The following HPGD variants were observed in gnomAD, a reference collection of about 807,000 sequenced individuals.
The protein encoded by HPGD is 15-hydroxyprostaglandin dehydrogenase.
A neutral mutation model predicts 30.0 loss-of-function variants in HPGD; 29 were observed. The ratio of observed to expected loss-of-function variants is 0.97; its 90% CI spans 0.72 to 1.32. The LOEUF (loss-of-function observed/expected upper bound fraction) is 1.32. Among genes scored for constraint, HPGD ranks in the 40% most tolerant of loss-of-function variants. HPGD has a pLI of 0.00. For missense variants in HPGD, 340 were observed against 322.1 expected (o/e 1.06, Z -0.43); for synonymous variants, 99 against 112.4 (o/e 0.88, Z 0.75).
chr4:174,508,713 T>C lies in HPGD; in HGVS notation c.404A>G (p.Asn135Ser). ...QNGGEGGIII[N>S]MSSLAGLMPV... ...GCCCTTACCTGCTAAAGATGACATA[T>C]TGATAATGATGCCGCCTTCACCTCC... The change falls in exon 4 of 7, where the codon AAT becomes AGT. Residue 135 changes from asparagine (N) to serine (S), a missense_variant. Asn to Ser is a conservative substitution (Grantham distance 46). Transcript: ENST00000296522. 8.1e-6 allele frequency: 13 copies of C among 1,601,048 alleles called. No individual in the cohort carries two copies. Among genetic ancestry groups the C allele is most frequent in the Non-Finnish European group, 1.0e-5 (12 of 1,168,280 alleles).
intron 4 of HPGD, chr4:174,508,237 A>G (rs1399656593): frequency 1.5e-6 from 1 of 657,342 alleles, no homozygotes; most frequent in Non-Finnish European, 2.8e-6. Flanking sequence ...ATGTGCTTAT[A>G]CTACATGTAA....
intron 4 of HPGD, among the ~76,000 whole-genome samples, chr4:174,505,454 C>T (rs1385357824): frequency 6.6e-6 from 1 of 152,160 alleles, no homozygotes; most frequent in African/African-American, 2.4e-5. Context: ...TATTTTTGTG[C>T]TCTCACCTCT....
chr4:174,507,091 T>C (rs1351650955), intron 4 of HPGD: 4 of 152,224 alleles, frequency 2.6e-5, no homozygotes, highest in African/African-American at 9.6e-5. Flanking sequence ...CAAAATAGTA[T>C]AGATTTAGCT....
chr4:174,494,281 G>A lies in HPGD; in HGVS notation c.499-967C>T, dbSNP rs1419312239. On this transcript the variant is annotated intron_variant, in intron 5 of 6. Coordinates refer to ENST00000296522, the MANE Select transcript of HPGD (RefSeq NM_000860.6). This position sits in a 1 kb window ranked among gnomAD's most constrained non-coding sequence, Gnocchi z 4.9. Reference sequence around the variant, plus strand: ...AGGAATACACATAAAATAAGGTTATGTATTGACTGGTTGATTGGAGTTTTG... The same window carrying A: ...AGGAATACACATAAAATAAGGTTATATATTGACTGGTTGATTGGAGTTTTG... Among the ~76,000 whole-genome samples the A allele has an allele frequency of 6.6e-6, 1 of 152,166 alleles. No individual in the cohort carries two copies. The highest frequency in any genetic ancestry group is 1.5e-5 in the Non-Finnish European group (1 of 68,032).
chr4:174,519,902 C>T (rs1386515237), intron 2 of HPGD, among the ~76,000 whole-genome samples: 1 of 152,130 alleles, frequency 6.6e-6, no homozygotes, highest in African/African-American at 2.4e-5. Context: ...CTCCTGACCT[C>T]GTGATCCGCC....
rs1734384515 is a variant in HPGD, at chr4:174,492,417, T to G, written c.663-323A>C. Among the ~76,000 whole-genome samples, 1 of 152,064 alleles carries G rather than the reference T, an allele frequency of 6.6e-6. No homozygotes were observed. Among genetic ancestry groups the G allele is most frequent in the South Asian group, 2.1e-4 (1 of 4,836 alleles). On this transcript the variant is annotated intron_variant, in intron 6 of 6. Coordinates refer to ENST00000296522, the MANE Select transcript of HPGD (RefSeq NM_000860.6). The surrounding 1 kb of genome is among the most constrained non-coding windows in gnomAD (Gnocchi z 4.9). ...CTGAGCAAATGATCATTTTCTCATC[T>G]TTATCGTATCAGTAGATCTTAGACT...
At chr4:174,498,991 C>G (rs529508874) in intron 4 of HPGD, among the ~76,000 whole-genome samples, 1 of 152,242 alleles carries the variant, frequency 6.6e-6, no homozygotes, top group African/African-American at 2.4e-5. Flanking sequence ...ATTCATTTTT[C>G]TTCTGTAGGT....
rs1366059826 is a variant in HPGD at position 174,496,981 on chromosome 4, T to C, written c.422-1357A>G. On this transcript the variant is annotated intron_variant, in intron 4 of 6. Coordinates refer to ENST00000296522, the MANE Select transcript of HPGD (RefSeq NM_000860.6). This position sits in a 1 kb window ranked among gnomAD's most constrained non-coding sequence, Gnocchi z 4.6. ...AAAATGTGTAAGTTAATTAAGTTTG[T>C]CAGTGTCAGTCAACAAGAATTTATG... 6.6e-6 allele frequency among the ~76,000 whole-genome samples: 1 copy of C among 152,232 alleles called. No individual in the cohort carries two copies.
At chr4:174,515,869 A>C (rs948876372) in intron 3 of HPGD, among the ~76,000 whole-genome samples, 2 of 152,174 alleles carry the variant, frequency 1.3e-5, no homozygotes, top group African/African-American at 4.8e-5. Context: ...ATGGCCAACA[A>C]ACATAAAAAA....
Position 174,492,332 on chromosome 4 carries a change from A to G in HPGD, c.663-238T>C, listed in dbSNP as rs1441288218. On this transcript the variant is annotated intron_variant, in intron 6 of 6. Transcript: ENST00000296522. The surrounding 1 kb of genome is among the most constrained non-coding windows in gnomAD (Gnocchi z 4.9). ...AATTGGATATTAACTAAATTATTTG[A>G]TAAATTTAGCTGTAACCTTCCATCA... is the stretch of plus-strand genomic sequence containing the variant. 6.6e-6 allele frequency among the ~76,000 whole-genome samples: 1 copy of G among 151,898 alleles called. No individual in the cohort carries two copies. Among genetic ancestry groups the G allele is most frequent in the Non-Finnish European group, 1.5e-5 (1 of 67,838 alleles).
In HPGD at chr4:174,490,586, ACTTTGT is replaced by A. The variant is rs1349439014; in HGVS notation, c.*1364_*1369del. ...TATCAGATGTTCATTGATGTTCACTACTTTGTCTTTAATACATTATATGAAAATCTA... is the reference window on the plus strand; with the variant it reads ...TATCAGATGTTCATTGATGTTCACTACTTTAATACATTATATGAAAATCTA... On this transcript the variant is annotated 3_prime_UTR_variant, in exon 7 of 7. Transcript: ENST00000296522. The surrounding 1 kb of genome is among the most constrained non-coding windows in gnomAD (Gnocchi z 4.4). 1 of 152,330 alleles carries A rather than the reference ACTTTGT, an allele frequency of 6.6e-6. No individual in the cohort carries two copies. Among genetic ancestry groups the A allele is most frequent in the Non-Finnish European group, 1.5e-5 (1 of 68,018 alleles). 9.4% of individuals were successfully genotyped at this position (152,330 alleles called of 1,614,324 possible). A position where few individuals can be genotyped will look rare whatever the true frequency, so the allele number is the denominator to read the frequency against.
intron 2 of HPGD, among the ~76,000 whole-genome samples, chr4:174,518,294 G>T (rs866031145): frequency 6.6e-5 from 10 of 152,310 alleles, no homozygotes; most frequent in Middle Eastern, 6.8e-3. Flanking sequence ...GAATTTTGCA[G>T]ACACCACAGA....
At chr4:174,497,564 CTTTCTTTTTTT>C (rs1560976881) in intron 4 of HPGD, among the ~76,000 whole-genome samples, 26 of 14,226 alleles carry the variant, frequency 1.8e-3, no homozygotes, top group Non-Finnish European at 3.7e-4. Context: ...CTTTCTTTTT[CTTTCTTTTTTT>C]TTTTTTTTTT....
intron 5 of HPGD, 112 bp from the exon 6 acceptor site, chr4:174,493,426 T>A (rs957801490): frequency 5.5e-5 from 52 of 941,972 alleles, no homozygotes; most frequent in Non-Finnish European, 7.9e-5. Context: ...TAATTAGATA[T>A]CCTCCCAGCT....
upstream of HPGD, chr4:174,522,613 G>C: frequency 1.9e-6 from 1 of 531,044 alleles, no homozygotes; most frequent in Non-Finnish European, 3.2e-6. Flanking sequence ...GGGAACCCAC[G>C]ACTGTGTCAC....
intron 3 of HPGD, among the ~76,000 whole-genome samples, chr4:174,514,679 G>A (rs1411529116): frequency 6.6e-6 from 1 of 152,126 alleles, no homozygotes; most frequent in Non-Finnish European, 1.5e-5. Context: ...AATCTGGCAA[G>A]AGAAAGGAAT....
intron 4 of HPGD, among the ~76,000 whole-genome samples, chr4:174,500,225 A>G (rs1734835953): frequency 1.3e-5 from 2 of 152,240 alleles, no homozygotes; most frequent in Admixed American, 1.3e-4. Flanking sequence ...TACTACACAC[A>G]TTAGAATGGC....
chr4:174,516,319 A>G (rs77625723), intron 3 of HPGD, among the ~76,000 whole-genome samples: 1 of 151,534 alleles, frequency 6.6e-6, no homozygotes, highest in Non-Finnish European at 1.5e-5. Context: ...ATAAAAAAGG[A>G]AATCATGTTG....
At chr4:174,513,786 T>C (rs1735635024) in intron 3 of HPGD, among the ~76,000 whole-genome samples, 1 of 151,990 alleles carries the variant, frequency 6.6e-6, no homozygotes, top group Admixed American at 6.5e-5. Context: ...TAATTTTATA[T>C]CTGAAAATAT....
Sources: allele counts gnomAD v4.1 joint callset (sites outside exome capture counted in the v4.1 genomes callset), GRCh38; gene constraint gnomAD v4.1.1; non-coding constraint Gnocchi (gnomAD v3.1); transcripts MANE v1.5; gene names NCBI Gene and HGNC (gene_info 2026-07-23, HGNC 2026-07-21).